Variants in WDFY3 observed in about 807,000 individuals in gnomAD.
WDFY3 encodes the protein WD repeat and FYVE domain containing 3.
Under a neutral mutation model 409.6 loss-of-function variants are expected in WDFY3, and 66 were observed. That is an observed-to-expected ratio of 0.16 (90% CI 0.13 to 0.20). The LOEUF is 0.20. Among genes scored for constraint, WDFY3 ranks in the 10% least tolerant of loss-of-function variants. The pLI is 1.00. For synonymous variants in WDFY3, 1,521 were observed against 1,537.1 expected (o/e 0.99, Z 0.25); for missense variants, 3,031 against 4,298.1 (o/e 0.71, Z 8.24).
chr4:84,697,988 C>T (rs780843487), intron 56 of WDFY3, among the ~76,000 whole-genome samples: 11 of 152,062 alleles, frequency 7.2e-5, no homozygotes, highest in Non-Finnish European at 1.5e-4. Flanking sequence ...GAAAGGTTAC[C>T]ATATGATTTA....
intron 57 of WDFY3, 58 bp from the exon 58 acceptor site, chr4:84,696,240 T>C: frequency 1.3e-6 from 2 of 1,534,044 alleles, no homozygotes; most frequent in Non-Finnish European, 1.8e-6. Context: ...GCTCAGAGAC[T>C]AGAAAAACCT....
chr4:84,684,487 A>G (rs1402115821), intron 62 of WDFY3, among the ~76,000 whole-genome samples: 1 of 152,134 alleles, frequency 6.6e-6, no homozygotes, highest in African/African-American at 2.4e-5. Flanking sequence ...AACAAAATCT[A>G]TTACGCCTTT....
At chr4:84,909,673 A>G (rs1331558581) in intron 2 of WDFY3, among the ~76,000 whole-genome samples, 1 of 152,088 alleles carries the variant, frequency 6.6e-6, no homozygotes, top group Middle Eastern at 3.2e-3. Context: ...GATTTTCAGT[A>G]AGTAGATAGC....
At chr4:84,875,160 CAG>C (rs1762603244) in intron 3 of WDFY3, among the ~76,000 whole-genome samples, 1 of 151,598 alleles carries the variant, frequency 6.6e-6, no homozygotes, top group Admixed American at 6.6e-5. Context: ...CCCAGCTACT[CAG>C]GGGGCTGAGG....
At chr4:84,713,786 C>A (rs1445884490) in intron 50 of WDFY3, among the ~76,000 whole-genome samples, 2 of 152,162 alleles carry the variant, frequency 1.3e-5, no homozygotes, top group South Asian at 2.1e-4. Flanking sequence ...AAAGAATTAT[C>A]TTTTAAGTAC....
chr4:84,929,123 C>T (rs949812969), intron 2 of WDFY3, among the ~76,000 whole-genome samples: 22 of 152,242 alleles, frequency 1.4e-4, no homozygotes, highest in African/African-American at 5.1e-4. Context: ...AAGTTGATGC[C>T]ATGTTGTGAC....
intron 42 of WDFY3, among the ~76,000 whole-genome samples, chr4:84,735,562 C>A (rs1219395617): frequency 6.6e-6 from 1 of 152,226 alleles, no homozygotes; most frequent in African/African-American, 2.4e-5. Context: ...TATGTCCAAT[C>A]CTGCTTTCTT....
chr4:84,796,805 CT>C, intron 18 of WDFY3, 53 bp from the exon 19 acceptor site: 1 of 1,447,728 alleles, frequency 6.9e-7, no homozygotes, highest in Non-Finnish European at 9.5e-7. Flanking sequence ...TTCAAAATAA[CT>C]TTACAAGGCT....
chr4:84,801,869 A>G lies in WDFY3; in HGVS notation c.2608-5T>C, dbSNP rs1434739658. 10 of 1,612,610 alleles carry G rather than the reference A, an allele frequency of 6.2e-6. No individual in the cohort carries two copies. Among genetic ancestry groups the G allele is most frequent in the Non-Finnish European group, 6.8e-6 (8 of 1,178,840 alleles). ...AAGTTGAAGATCCAAAGCATGCTAA[A>G]ATCAACAAAGAAATCCACACAGTCA... is the stretch of plus-strand genomic sequence containing the variant. On this transcript the variant is annotated splice_polypyrimidine_tract_variant and splice_region_variant and intron_variant, in intron 16 of 67. Transcript: ENST00000295888.
intron 51 of WDFY3, 119 bp downstream of exon 51, chr4:84,713,038 TAA>T: frequency 1.0e-6 from 1 of 999,916 alleles, no homozygotes; most frequent in Admixed American, 2.2e-5. Context: ...AGTATTTTTT[TAA>T]AAAAATTTGC....
At chr4:84,835,756 T>C (rs1225488288) in intron 7 of WDFY3, among the ~76,000 whole-genome samples, 1 of 152,132 alleles carries the variant, frequency 6.6e-6, no homozygotes, top group Non-Finnish European at 1.5e-5. Context: ...CAGCTCTATC[T>C]TTTCTACCCC....
At chr4:84,817,356 G>T in intron 13 of WDFY3, 36 bp downstream of exon 13, 1 of 1,606,712 alleles carries the variant, frequency 6.2e-7, no homozygotes, top group South Asian at 1.1e-5. Flanking sequence ...ACAGATTTTA[G>T]TAGTAAAAGA....
intron 10 of WDFY3, 42 bp downstream of exon 10, chr4:84,826,773 C>T (rs1169168963): frequency 6.6e-6 from 10 of 1,522,284 alleles, no homozygotes; most frequent in Non-Finnish European, 7.9e-6. Context: ...CATTCTTTCT[C>T]TATTTCTCTC....
chr4:84,761,990 T>G (rs971860760), intron 32 of WDFY3, among the ~76,000 whole-genome samples: 4 of 151,960 alleles, frequency 2.6e-5, no homozygotes, highest in Non-Finnish European at 4.4e-5. Flanking sequence ...CGTGGAGAAA[T>G]AGGAACACTT....
intron 15 of WDFY3, among the ~76,000 whole-genome samples, 177 bp from the exon 16 acceptor site, chr4:84,803,644 G>A (rs1751027979): frequency 6.6e-6 from 1 of 152,142 alleles, no homozygotes; most frequent in Non-Finnish European, 1.5e-5. Context: ...CCGCATGTGT[G>A]TGGGTGGGTG....
intron 36 of WDFY3, among the ~76,000 whole-genome samples, chr4:84,750,401 A>T (rs1740306505): frequency 6.6e-6 from 1 of 152,150 alleles, no homozygotes; most frequent in Non-Finnish European, 1.5e-5. Flanking sequence ...CTTTCGCATG[A>T]ATAAGATAAA....
At chr4:84,881,135 G>C (rs922957594) in intron 3 of WDFY3, among the ~76,000 whole-genome samples, 3 of 152,130 alleles carry the variant, frequency 2.0e-5, no homozygotes, top group Non-Finnish European at 2.9e-5. Context: ...TTCAAGATTT[G>C]TAATTTTTTA....
At chr4:84,952,171 C>T (rs1391279247) in intron 1 of WDFY3, among the ~76,000 whole-genome samples, 1 of 152,162 alleles carries the variant, frequency 6.6e-6, no homozygotes, top group Non-Finnish European at 1.5e-5. Context: ...TCTTGACAGG[C>T]TTCCTCACAT....
chr4:84,829,310 A>G, intron 8 of WDFY3, 120 bp from the exon 9 acceptor site: 2 of 820,342 alleles, frequency 2.4e-6, no homozygotes, highest in Non-Finnish European at 3.6e-6. Context: ...AAATACTATG[A>G]GATAAATGTA....
Sources: allele counts gnomAD v4.1 joint callset (sites outside exome capture counted in the v4.1 genomes callset), GRCh38; gene constraint gnomAD v4.1.1; transcripts MANE v1.5; gene names NCBI Gene and HGNC (gene_info 2026-07-23, HGNC 2026-07-21).